Variants in STXBP5L observed in about 807,000 individuals in gnomAD.
STXBP5L encodes the protein syntaxin binding protein 5L, also known as syntaxin-binding protein 5-like.
Under a neutral mutation model 144.5 loss-of-function variants are expected in STXBP5L, and 65 were observed. The ratio of observed to expected loss-of-function variants is 0.45; its 90% CI spans 0.37 to 0.55. STXBP5L has a LOEUF of 0.55. Ranked by LOEUF, STXBP5L falls within the 20% of genes least tolerant of loss-of-function variation. STXBP5L has a pLI of 0.00. For synonymous variants in STXBP5L, 505 were observed against 469.6 expected (o/e 1.08, Z -0.97); for missense variants, 1,298 against 1,405.5 (o/e 0.92, Z 1.22).
chr3:121,158,831 ATTAG>A (rs1184628969), intron 9 of STXBP5L: 2 of 152,102 alleles, frequency 1.3e-5, no homozygotes, highest in Non-Finnish European at 2.9e-5. Flanking sequence ...ATCAGTTTCT[ATTAG>A]TTCTTTTGGC....
At chr3:121,072,176 C>T (rs1284939611) in intron 5 of STXBP5L, among the ~76,000 whole-genome samples, 5 of 152,212 alleles carry the variant, frequency 3.3e-5, no homozygotes, top group African/African-American at 1.2e-4. Context: ...CTGGTTACTT[C>T]CTGAGCTTTC....
At chr3:121,010,712 G>A (rs1032244058) in intron 3 of STXBP5L, among the ~76,000 whole-genome samples, 3 of 151,810 alleles carry the variant, frequency 2.0e-5, no homozygotes, top group African/African-American at 2.4e-5. Flanking sequence ...TACATTAAAT[G>A]TGTTGTATAC....
At chr3:120,961,742 A>T (rs191108759) in intron 3 of STXBP5L, among the ~76,000 whole-genome samples, 1 of 152,162 alleles carries the variant, frequency 6.6e-6, no homozygotes, top group Non-Finnish European at 1.5e-5. Flanking sequence ...ATACGTGTGC[A>T]TGTGTCTTTA....
chr3:121,378,598 T>C (rs1303360222), intron 20 of STXBP5L, 118 bp from the exon 21 acceptor site: 1 of 1,174,672 alleles, frequency 8.5e-7, no homozygotes, highest in Non-Finnish European at 1.1e-6. Flanking sequence ...ACTATATTCA[T>C]GTGGTTTAGA....
At chr3:121,198,618 G>A (rs904513032) in intron 9 of STXBP5L, among the ~76,000 whole-genome samples, 3 of 152,138 alleles carry the variant, frequency 2.0e-5, no homozygotes, top group Admixed American at 6.5e-5. Context: ...ATGTGTTTAG[G>A]TCTTACATTT....
chr3:121,002,970 C>G lies in STXBP5L; in HGVS notation c.288-38730C>G, dbSNP rs533958101. On this transcript the variant is annotated intron_variant, in intron 3 of 26. Transcript: ENST00000471454. The stretch of plus-strand genomic sequence containing the variant: ...CAGTCTATTATTGTTGGACATTTGG[C>G]TTGGTTCCAAGTCCTTGCTATTGTG... 3.2e-3 allele frequency among the ~76,000 whole-genome samples: 484 copies of G among 152,216 alleles called. 6 individuals are homozygous for G. The highest frequency in any genetic ancestry group is 3.4e-3 in the Middle Eastern group (1 of 294).
intron 3 of STXBP5L, among the ~76,000 whole-genome samples, chr3:120,970,160 G>A (rs185685990): frequency 6.6e-6 from 1 of 152,122 alleles, no homozygotes; most frequent in East Asian, 1.9e-4. Context: ...AGTTATTGTA[G>A]TAATTATTGA....
intron 2 of STXBP5L, among the ~76,000 whole-genome samples, chr3:120,923,033 T>G (rs1709432657): frequency 6.6e-6 from 1 of 151,996 alleles, no homozygotes; most frequent in Non-Finnish European, 1.5e-5. Flanking sequence ...TCCTCATTAT[T>G]GGTTTGTTGA....
intron 3 of STXBP5L, among the ~76,000 whole-genome samples, chr3:120,987,190 A>C (rs2107926525): frequency 6.6e-6 from 1 of 152,080 alleles, no homozygotes; most frequent in South Asian, 2.1e-4. Context: ...ATTTTCTAAG[A>C]AGATGCCAAA....
chr3:121,189,792 G>T (rs1041327325), intron 9 of STXBP5L, among the ~76,000 whole-genome samples: 1 of 151,532 alleles, frequency 6.6e-6, no homozygotes, highest in Admixed American at 6.6e-5. Context: ...TTATACATTT[G>T]ACTCATTTTT....
chr3:121,032,005 T>A, intron 3 of STXBP5L, among the ~76,000 whole-genome samples: 1 of 152,054 alleles, frequency 6.6e-6, no homozygotes, highest in East Asian at 1.9e-4. Context: ...AAGTATAAGA[T>A]TTTTGTGGTA....
intron 20 of STXBP5L, among the ~76,000 whole-genome samples, chr3:121,340,735 T>C (rs951035453): frequency 5.9e-5 from 9 of 151,982 alleles, no homozygotes; most frequent in African/African-American, 2.2e-4. Context: ...GGGTTTGCGG[T>C]GTGTAAATTG....
intron 3 of STXBP5L, among the ~76,000 whole-genome samples, chr3:121,018,357 A>T (rs1945290652): frequency 6.6e-6 from 1 of 152,170 alleles, no homozygotes; most frequent in Non-Finnish European, 1.5e-5. Flanking sequence ...AGTGTTGTAC[A>T]GGTAAAAGAA....
intron 3 of STXBP5L, among the ~76,000 whole-genome samples, chr3:120,980,608 G>T (rs1000528458): frequency 2.9e-4 from 44 of 151,826 alleles, no homozygotes; most frequent in Non-Finnish European, 1.2e-4. Flanking sequence ...TGAGTTAGGT[G>T]GGTTTCTTAT....
At chr3:121,092,446 T>C (rs894294747) in intron 5 of STXBP5L, among the ~76,000 whole-genome samples, 2 of 152,172 alleles carry the variant, frequency 1.3e-5, no homozygotes, top group African/African-American at 4.8e-5. Context: ...TTTAAGTTCA[T>C]TGAGCAGTGG....
intron 9 of STXBP5L, among the ~76,000 whole-genome samples, chr3:121,161,520 G>C (rs2046321709): frequency 6.6e-6 from 1 of 151,706 alleles, no homozygotes; most frequent in South Asian, 2.1e-4. Context: ...GTTTCTTCAA[G>C]TTCATTCTGT....
chr3:121,021,804 A>G (rs537278336), intron 3 of STXBP5L, among the ~76,000 whole-genome samples: 3 of 152,208 alleles, frequency 2.0e-5, no homozygotes, highest in Admixed American at 2.0e-4. Context: ...ATGCCTATAT[A>G]AAAAAGTCTG....
intron 10 of STXBP5L, among the ~76,000 whole-genome samples, chr3:121,214,935 G>A (rs1042732936): frequency 1.3e-5 from 2 of 151,940 alleles, no homozygotes; most frequent in Non-Finnish European, 2.9e-5. Flanking sequence ...TCTTCTTCTT[G>A]CATTGATCCC....
chr3:121,342,861 C>T (rs1050591757), intron 20 of STXBP5L, among the ~76,000 whole-genome samples: 1 of 149,184 alleles, frequency 6.7e-6, no homozygotes, highest in African/African-American at 2.5e-5. Context: ...GGTACATACC[C>T]AGTAATGGGA....
Sources: gnomAD v4.1 joint callset for allele counts (sites outside exome capture counted in the v4.1 genomes callset) on GRCh38, gnomAD v4.1.1 for gene constraint, MANE v1.5 for transcripts, NCBI Gene and HGNC (gene_info 2026-07-23, HGNC 2026-07-21) for gene names.